DHRSX: variants seen among roughly 807,000 people sequenced by gnomAD.
DHRSX encodes the protein dehydrogenase/reductase X-linked.
In DHRSX, 31 loss-of-function variants were observed where a neutral mutation model predicts 34.0. That is an observed-to-expected ratio of 0.91 (90% CI 0.69 to 1.23). DHRSX has a LOEUF of 1.23. Ranked by LOEUF, DHRSX falls within the 50% of genes most tolerant of loss-of-function variation. DHRSX has a pLI of 0.00. For missense variants in DHRSX, 414 were observed against 428.1 expected (o/e 0.97, Z 0.29); for synonymous variants, 201 against 183.8 (o/e 1.09, Z -0.76).
chrX:2,446,341 C>A (rs1189059529), intron 1 of DHRSX, among the ~76,000 whole-genome samples: 1 of 149,732 alleles, frequency 6.7e-6, no homozygotes, highest in African/African-American at 2.5e-5. Flanking sequence ...AGCATGTGGC[C>A]AAGGGACCTC....
chrX:2,463,436 G>A (rs1206688320), intron 1 of DHRSX, among the ~76,000 whole-genome samples: 1 of 151,684 alleles, frequency 6.6e-6, no homozygotes. Context: ...TTGCTCTCCT[G>A]TCATCCTCCC....
At chrX:2,481,159 C>A (rs929340082) in intron 1 of DHRSX, among the ~76,000 whole-genome samples, 2 of 152,112 alleles carry the variant, frequency 1.3e-5, no homozygotes, top group Non-Finnish European at 1.5e-5. Context: ...TAAAACATCA[C>A]GTCGTACCTC....
intron 3 of DHRSX, among the ~76,000 whole-genome samples, chrX:2,407,179 C>T (rs976739010): frequency 2.0e-5 from 3 of 152,146 alleles, no homozygotes; most frequent in Non-Finnish European, 4.4e-5. Context: ...AAGTCAAATA[C>T]CATTCTTCTT....
At chrX:2,252,522 G>T (rs1443220603) in intron 5 of DHRSX, among the ~76,000 whole-genome samples, 1 of 152,160 alleles carries the variant, frequency 6.6e-6, no homozygotes, top group Non-Finnish European at 1.5e-5. Context: ...TGAATCTCCA[G>T]CATTTGATTG....
rs372630395 is a variant in DHRSX at position 2,338,205 on chromosome X, C to T, written c.287-46602G>A. Among the ~76,000 whole-genome samples, 668 of 151,598 alleles carry T rather than the reference C, an allele frequency of 4.4e-3. 8 individuals carry two copies. Among genetic ancestry groups the T allele is most frequent in the African/African-American group, 0.015 (602 of 41,362 alleles). The stretch of plus-strand genomic sequence containing the variant: ...AAAATTAGCCAGGCATGGTGGTGCG[C>T]GCCTGTAATCCCAGCTACTTGGGAG... On this transcript the variant is annotated intron_variant, in intron 3 of 6. Transcript: ENST00000334651.
At chrX:2,245,970 C>CAAAA (rs2016270951) in intron 5 of DHRSX, among the ~76,000 whole-genome samples, 1 of 136,704 alleles carries the variant, frequency 7.3e-6, no homozygotes, top group Admixed American at 7.9e-5. Flanking sequence ...TCAAAAAAAA[C>CAAAA]AAAAAAACAA....
At chrX:2,314,224 A>G (rs866519005) in intron 3 of DHRSX, among the ~76,000 whole-genome samples, 9 of 11,686 alleles carry the variant, frequency 7.7e-4, no homozygotes, top group African/African-American at 1.2e-3. Flanking sequence ...GAAGGAGGGA[A>G]GGAAGGGAGG....
intron 6 of DHRSX, among the ~76,000 whole-genome samples, chrX:2,237,950 G>A (rs1260642470): frequency 6.6e-6 from 1 of 152,028 alleles, no homozygotes; most frequent in Non-Finnish European, 1.5e-5. Flanking sequence ...GCTTCCTAGA[G>A]GTCTGAAGAG....
intron 3 of DHRSX, among the ~76,000 whole-genome samples, chrX:2,391,001 G>A (rs1487155457): frequency 6.6e-6 from 1 of 152,080 alleles, no homozygotes; most frequent in Non-Finnish European, 1.5e-5. Flanking sequence ...CTTTTTTATG[G>A]CTGCGTAATA....
intron 2 of DHRSX, among the ~76,000 whole-genome samples, chrX:2,410,064 G>A (rs950754227): frequency 8.1e-4 from 124 of 152,210 alleles, no homozygotes; most frequent in Admixed American, 1.4e-3. Context: ...GTGAACATGC[G>A]TTGAACAGGA....
At position 2,493,097 on chromosome X, in the gene DHRSX, G is replaced by A. The variant is rs754068570; in HGVS notation, c.109+7720C>T. On this transcript the variant is annotated intron_variant, in intron 1 of 6. Coordinates refer to ENST00000334651, the MANE Select transcript of DHRSX (RefSeq NM_145177.3). ...CCAAGACTGGGGTGCAAGGAGGGGG[G>A]TCCTGTGGCCAATGCCAGCACCCTG... Among the ~76,000 whole-genome samples the A allele has an allele frequency of 6.4e-4, 97 of 152,342 alleles. 1 individual carries two copies. Among genetic ancestry groups the A allele is most frequent in the Admixed American group, 3.3e-3 (51 of 15,300 alleles).
chrX:2,481,321 A>C (rs1235130066), intron 1 of DHRSX, among the ~76,000 whole-genome samples: 2 of 152,158 alleles, frequency 1.3e-5, no homozygotes, highest in Non-Finnish European at 2.9e-5. Flanking sequence ...TGACCATGAC[A>C]CAAGGGGCTC....
intron 1 of DHRSX, among the ~76,000 whole-genome samples, chrX:2,471,438 G>C (rs1488138672): frequency 1.3e-5 from 2 of 151,110 alleles, no homozygotes; most frequent in Admixed American, 6.6e-5. Flanking sequence ...GTGGTGGCAG[G>C]CACCTGCAAT....
chrX:2,347,078 GATAA>G (rs1013010312), intron 3 of DHRSX, among the ~76,000 whole-genome samples: 119 of 152,242 alleles, frequency 7.8e-4, no homozygotes, highest in African/African-American at 2.8e-3. Context: ...GATAAGGATG[GATAA>G]ATAAAGTATA....
In DHRSX at chrX:2,485,855, A is replaced by AG. The variant is rs1491374073; in HGVS notation, c.109+14961_109+14962insC. On this transcript the variant is annotated intron_variant, in intron 1 of 6. Coordinates refer to ENST00000334651, the MANE Select transcript of DHRSX (RefSeq NM_145177.3). The stretch of plus-strand genomic sequence containing the variant: ...AGAGAAGGAAGGAAGGGAGAGAAAG[A>AG]AAGAAGGGAAGGGAGGGAAGGAAGG... 3.2e-4 allele frequency among the ~76,000 whole-genome samples: 35 copies of AG among 109,738 alleles called. 2 individuals are homozygous for AG. The highest frequency in any genetic ancestry group is 1.3e-3 in the African/African-American group (32 of 24,638). The allele number at this position is 109,738 out of a possible 152,430, so 72.0% of individuals were successfully genotyped here.
intron 5 of DHRSX, among the ~76,000 whole-genome samples, chrX:2,249,015 G>A (rs2016369799): frequency 6.6e-6 from 1 of 151,966 alleles, no homozygotes; most frequent in Non-Finnish European, 1.5e-5. Flanking sequence ...TTTTCAGCTT[G>A]CAAAATCAGA....
rs1475570914 is a variant in DHRSX at position 2,292,807 on chromosome X, T to C, written c.287-1204A>G. 2.0e-5 allele frequency among the ~76,000 whole-genome samples: 3 copies of C among 151,626 alleles called. No individual in the cohort carries two copies. The East Asian group carries it at 5.8e-4, about 30-fold the overall frequency. On this transcript the variant is annotated intron_variant, in intron 3 of 6. Coordinates refer to ENST00000334651, the MANE Select transcript of DHRSX (RefSeq NM_145177.3). ...AGGACGCCATTTATGGATCCCTTGC[T>C]ACAGATAGTAAGTATGAGCTCTTCC...
At chrX:2,396,358 A>G in intron 3 of DHRSX, among the ~76,000 whole-genome samples, 1 of 140,142 alleles carries the variant, frequency 7.1e-6, no homozygotes, top group South Asian at 2.3e-4. Context: ...ATTGTGTTTG[A>G]TGCTTTCTTT....
chrX:2,290,051 C>T (rs753325106), intron 4 of DHRSX, among the ~76,000 whole-genome samples: 3 of 152,282 alleles, frequency 2.0e-5, no homozygotes, highest in African/African-American at 7.2e-5. Context: ...ATACATCATA[C>T]ATCAAATACA....
Sources: allele counts gnomAD v4.1 joint callset (sites outside exome capture counted in the v4.1 genomes callset), GRCh38; gene constraint gnomAD v4.1.1; transcripts MANE v1.5; gene names NCBI Gene and HGNC (gene_info 2026-07-23, HGNC 2026-07-21).